APPL1: variants seen among roughly 807,000 people sequenced by gnomAD.
APPL1 encodes DCC-interacting protein 13-alpha.
APPL1 carries 42 observed loss-of-function variants against 106.8 expected under a neutral mutation model. That is an observed-to-expected ratio of 0.39 (90% CI 0.31 to 0.51). The LOEUF (loss-of-function observed/expected upper bound fraction) is 0.51, where lower values mean the gene tolerates loss of function less well. APPL1 is among the 20% of genes least tolerant of loss of function. APPL1 has a pLI of 0.75. For synonymous variants in APPL1, 263 were observed against 281.8 expected, an observed-to-expected ratio of 0.93 and a Z score of 0.67; for missense variants, 769 against 858.2, an observed-to-expected ratio of 0.90 and a Z score of 1.30.
intron 13 of APPL1, among the ~76,000 whole-genome samples, chr3:57,254,877 G>A (rs1031666978): frequency 2.0e-5 from 3 of 152,134 alleles, no homozygotes; most frequent in South Asian, 2.1e-4. Context: ...CACCTGCCTC[G>A]GCCTCCCAAA....
intron 20 of APPL1, 107 bp downstream of exon 20, chr3:57,267,899 C>T (rs992163674): frequency 7.0e-6 from 8 of 1,145,242 alleles, no homozygotes; most frequent in Non-Finnish European, 1.0e-5. Flanking sequence ...CGAGACTAAC[C>T]TGGCCAACAT....
In APPL1 at chr3:57,256,320, T is replaced by C. The variant is rs547964277; in HGVS notation, c.1153-637T>C. ...ACGTGATTAAAACAGATCTCTAATT[T>C]AAATACCATTTTTTATTTAGCCAGT... On this transcript the variant is annotated intron_variant, in intron 13 of 21. Transcript: ENST00000288266. Among the ~76,000 whole-genome samples the C allele has an allele frequency of 8.6e-4, 103 of 119,510 alleles. 1 individual carries two copies. The Middle Eastern group carries it at 0.012, about 14-fold the overall frequency. 78.4% of individuals were successfully genotyped at this position (119,510 alleles called of 152,430 possible). A position where few individuals can be genotyped will look rare whatever the true frequency, so the allele number is the denominator to read the frequency against.
intron 2 of APPL1, among the ~76,000 whole-genome samples, chr3:57,236,331 T>C (rs759408073): frequency 0.031 from 3,947 of 125,538 alleles, 75 homozygotes; most frequent in Admixed American, 0.045. Flanking sequence ...CCCAGCCCCC[T>C]TTTTTTTTTT....
Position 57,271,153 on chromosome 3 carries a change from A to C in APPL1, c.*1466A>C, listed in dbSNP as rs570887317. On this transcript the variant is annotated 3_prime_UTR_variant, in exon 22 of 22. Coordinates refer to ENST00000288266, the MANE Select transcript of APPL1 (RefSeq NM_012096.3). ...AAGCCTTTTTTTTTCTTTGATATAC[A>C]GTTTTTTCTTCTTAGTTCTGCATTA... The C allele has an allele frequency of 2.6e-5, 4 of 152,378 alleles. No individual in the cohort carries two copies. The highest frequency in any genetic ancestry group is 2.6e-4 in the Admixed American group (4 of 15,272). 9.4% of individuals were successfully genotyped at this position (152,378 alleles called of 1,614,324 possible). A position where few individuals can be genotyped will look rare whatever the true frequency, so the allele number is the denominator to read the frequency against.
intron 1 of APPL1, 53 bp from the exon 2 acceptor site, chr3:57,235,513 C>T: frequency 8.7e-7 from 1 of 1,150,270 alleles, no homozygotes; most frequent in Non-Finnish European, 1.2e-6. Flanking sequence ...AAATATTTTT[C>T]CATCTGATTT....
intron 13 of APPL1, among the ~76,000 whole-genome samples, chr3:57,256,638 G>A (rs2060837963): frequency 6.6e-6 from 1 of 152,128 alleles, no homozygotes; most frequent in Non-Finnish European, 1.5e-5. Context: ...ATATCTGGTA[G>A]TTAAAAATGT....
At chr3:57,264,573 TAA>T (rs767949059) in intron 19 of APPL1, among the ~76,000 whole-genome samples, 1 of 145,610 alleles carries the variant, frequency 6.9e-6, no homozygotes, top group Non-Finnish European at 1.5e-5. Context: ...TAAAAAAAAA[TAA>T]AAAAAATAAA....
intron 5 of APPL1, among the ~76,000 whole-genome samples, chr3:57,241,446 C>G (rs1003153664): frequency 1.3e-5 from 2 of 152,140 alleles, no homozygotes; most frequent in African/African-American, 4.8e-5. Flanking sequence ...GCCATACACA[C>G]TTACTTCCAA....
At chr3:57,257,085 G>T (rs1390429716) in intron 14 of APPL1, 34 bp downstream of exon 14, 9 of 1,600,134 alleles carry the variant, frequency 5.6e-6, no homozygotes, top group Non-Finnish European at 7.7e-6. Flanking sequence ...TAAAGAAGGA[G>T]ATGGGCTATT....
intron 7 of APPL1, among the ~76,000 whole-genome samples, chr3:57,244,504 G>C (rs906091176): frequency 6.6e-5 from 10 of 152,118 alleles, no homozygotes; most frequent in African/African-American, 2.4e-4. Context: ...AAGATAAGTG[G>C]ATAACACCAG....
intron 19 of APPL1, among the ~76,000 whole-genome samples, chr3:57,264,824 A>T: frequency 6.9e-6 from 1 of 145,720 alleles, no homozygotes. Flanking sequence ...TTTTGCCAGT[A>T]CCATGCTGTT....
intron 15 of APPL1, among the ~76,000 whole-genome samples, chr3:57,258,105 G>T (rs2060846581): frequency 6.6e-6 from 1 of 152,166 alleles, no homozygotes; most frequent in Admixed American, 6.5e-5. Flanking sequence ...TTAATTTCCT[G>T]TTATCTTACT....
At chr3:57,235,499 G>T in intron 1 of APPL1, 67 bp from the exon 2 acceptor site, 3 of 1,066,942 alleles carry the variant, frequency 2.8e-6, no homozygotes, top group South Asian at 1.8e-5. Context: ...GCTTCCTTTA[G>T]AAAAAATATT....
chr3:57,267,862 C>A, intron 20 of APPL1, 70 bp downstream of exon 20: 1 of 1,514,702 alleles, frequency 6.6e-7, no homozygotes, highest in Non-Finnish European at 9.1e-7. Flanking sequence ...GAGGCCGAGG[C>A]GGGCAGATGA....
intron 5 of APPL1, 40 bp downstream of exon 5, chr3:57,240,592 A>T: frequency 6.6e-7 from 1 of 1,519,966 alleles, no homozygotes; most frequent in Admixed American, 1.7e-5. Flanking sequence ...ATTGGCTGTG[A>T]GATCAACACT....
rs1447288276 is a variant in APPL1, at chr3:57,248,419, ATAAT to A, written c.863+70_863+73del. On this transcript the variant is annotated intron_variant, in intron 10 of 21. Transcript: ENST00000288266. ...AGACAATACCAAATGAATATAGTAA[ATAAT>A]TGATGTCTGTCATATTTTGATTTTT... is the stretch of plus-strand genomic sequence containing the variant. The A allele has an allele frequency of 6.7e-6, 10 of 1,486,570 alleles. No individual in the cohort carries two copies. The Admixed American group carries it at 8.3e-5, about 12-fold the overall frequency. The allele number at this position is 1,486,570 out of a possible 1,614,324, so 92.1% of individuals were successfully genotyped here.
chr3:57,250,676 G>A (rs2060798636), intron 11 of APPL1, among the ~76,000 whole-genome samples: 2 of 151,814 alleles, frequency 1.3e-5, no homozygotes, highest in South Asian at 4.1e-4. Flanking sequence ...TGTTATAATG[G>A]CTATTCTATA....
At chr3:57,240,170 T>C (rs1438128918) in intron 4 of APPL1, among the ~76,000 whole-genome samples, 1 of 149,894 alleles carries the variant, frequency 6.7e-6, no homozygotes. Flanking sequence ...TGCGCTTTCA[T>C]GCATAGAAGT....
Position 57,227,891 on chromosome 3 carries a change from G to T in APPL1, c.8G>T (p.Gly3Val). Reference sequence around the variant, plus strand: ...CGCCCTCCCTCCGCCACGATGCCGGGGATCGACAAGCTGCCCATCGAGGAG... The same window carrying T: ...CGCCCTCCCTCCGCCACGATGCCGGTGATCGACAAGCTGCCCATCGAGGAG... The part of the protein sequence containing the change: MP[G>V]IDKLPIEETL... Residue 3 changes from glycine (G) to valine (V), a missense_variant, in exon 1 of 22, where the codon GGG becomes GTG. Coordinates refer to ENST00000288266, the MANE Select transcript of APPL1 (RefSeq NM_012096.3). 2 of 1,469,006 alleles carry T rather than the reference G, an allele frequency of 1.4e-6. No homozygotes were observed. Among genetic ancestry groups the T allele is most frequent in the South Asian group, 1.3e-5 (1 of 77,588 alleles). 91.0% of individuals were successfully genotyped at this position (1,469,006 alleles called of 1,614,324 possible).
Sources: gnomAD v4.1 joint callset for allele counts (sites outside exome capture counted in the v4.1 genomes callset) on GRCh38, gnomAD v4.1.1 for gene constraint, MANE v1.5 for transcripts, NCBI Gene and HGNC (gene_info 2026-07-23, HGNC 2026-07-21) for gene names.